The following COL4A2 variants were observed in gnomAD, a reference collection of about 807,000 sequenced individuals.
COL4A2 encodes collagen alpha-2(IV) chain.
A neutral mutation model predicts 200.2 loss-of-function variants in COL4A2; 99 were observed. The ratio of observed to expected loss-of-function variants is 0.49; its 90% CI spans 0.42 to 0.58. The LOEUF is 0.58. Ranked by LOEUF, COL4A2 falls within the 20% of genes least tolerant of loss-of-function variation. COL4A2 has a pLI of 0.00. For synonymous variants in COL4A2, 897 were observed against 900.6 expected (o/e 1.00, Z 0.07); for missense variants, 1,950 against 2,314.1 (o/e 0.84, Z 3.23).
intron 13 of COL4A2, 54 bp downstream of exon 13, chr13:110,436,421 AG>A: frequency 6.3e-7 from 1 of 1,580,892 alleles, no homozygotes; most frequent in Non-Finnish European, 8.6e-7. Flanking sequence ...GGAGAGTAAA[AG>A]TACATTTCTT....
intron 11 of COL4A2, among the ~76,000 whole-genome samples, chr13:110,433,108 A>G (rs1015520479): frequency 5.3e-5 from 8 of 152,364 alleles, no homozygotes; most frequent in Non-Finnish European, 7.3e-5. Flanking sequence ...CCAAGCCCAC[A>G]CGTTGCCATG....
intron 36 of COL4A2, 89 bp from the exon 37 acceptor site, chr13:110,491,144 G>A: frequency 2.4e-6 from 2 of 841,102 alleles, no homozygotes; most frequent in Non-Finnish European, 4.0e-6. Flanking sequence ...GAGCAGCAGT[G>A]TGGTTCTGCA....
chr13:110,511,924 C>A lies in COL4A2; in HGVS notation c.4882-10C>A, dbSNP rs1884094435. On this transcript the variant is annotated splice_polypyrimidine_tract_variant and intron_variant, in intron 47 of 47. Transcript: ENST00000360467. The stretch of plus-strand genomic sequence containing the variant: ...ATTCCTAACCCTGTCCTGCCCCCCT[C>A]TCTGTGCAGCACACGGCGGCGGGAG... 1 of 1,613,334 alleles carries A rather than the reference C, an allele frequency of 6.2e-7. No homozygotes were observed. Among genetic ancestry groups the A allele is most frequent in the East Asian group, 2.2e-5 (1 of 44,894 alleles).
chr13:110,309,770 CT>C (rs531597675), intron 3 of COL4A2, among the ~76,000 whole-genome samples: 265 of 93,050 alleles, frequency 2.8e-3, no homozygotes, highest in African/African-American at 8.5e-3. Flanking sequence ...TGTGGATTGC[CT>C]GAGCTCAGGA....
intron 29 of COL4A2, among the ~76,000 whole-genome samples, chr13:110,475,183 G>T (rs1304442202): frequency 6.6e-6 from 1 of 152,240 alleles, no homozygotes; most frequent in Non-Finnish European, 1.5e-5. Flanking sequence ...CTCGTGCTCG[G>T]CCATCCAGAT....
chr13:110,414,854 C>G (rs1483003882), intron 4 of COL4A2, among the ~76,000 whole-genome samples: 1 of 152,172 alleles, frequency 6.6e-6, no homozygotes, highest in Non-Finnish European at 1.5e-5. Context: ...ATTCTTTTAT[C>G]CAAAATAAAA....
chr13:110,320,113 G>GTC (rs1885238800), intron 3 of COL4A2, among the ~76,000 whole-genome samples: 1 of 152,274 alleles, frequency 6.6e-6, no homozygotes, highest in Non-Finnish European at 1.5e-5. Flanking sequence ...TTGTGAATGT[G>GTC]TCTCTGTCCA....
chr13:110,317,379 C>T (rs1391097337), intron 3 of COL4A2, among the ~76,000 whole-genome samples: 5 of 152,108 alleles, frequency 3.3e-5, no homozygotes, highest in Admixed American at 2.0e-4. Flanking sequence ...CATAAACACA[C>T]ATGCTCATGC....
At chr13:110,337,259 G>A (rs1390793430) in intron 3 of COL4A2, among the ~76,000 whole-genome samples, 1 of 152,232 alleles carries the variant, frequency 6.6e-6, no homozygotes, top group Non-Finnish European at 1.5e-5. Context: ...GCTGATCACA[G>A]CCAAGTTTGG....
intron 19 of COL4A2, among the ~76,000 whole-genome samples, 174 bp from the exon 20 acceptor site, chr13:110,450,131 T>A (rs1209198802): frequency 6.6e-6 from 1 of 152,080 alleles, no homozygotes; most frequent in Non-Finnish European, 1.5e-5. Flanking sequence ...AGGAGAGGGG[T>A]GTTTTTAATG....
chr13:110,403,906 A>G (rs1438726276), intron 4 of COL4A2, among the ~76,000 whole-genome samples: 3 of 152,198 alleles, frequency 2.0e-5, no homozygotes, highest in African/African-American at 7.2e-5. Flanking sequence ...TTGAAGAGCA[A>G]GTGACCAGCA....
At chr13:110,424,104 G>A (rs1164796566) in intron 4 of COL4A2, among the ~76,000 whole-genome samples, 10 of 152,050 alleles carry the variant, frequency 6.6e-5, no homozygotes, top group South Asian at 2.1e-4. Flanking sequence ...TTAAGGAGCC[G>A]CCAGAGTGTT....
At chr13:110,408,838 CACGCACACAT>C (rs1566517095) in intron 4 of COL4A2, among the ~76,000 whole-genome samples, 8 of 76,842 alleles carry the variant, frequency 1.0e-4, no homozygotes, top group Non-Finnish European at 1.9e-4. Context: ...CACACACATA[CACGCACACAT>C]ATACACACAT....
Position 110,446,843 on chromosome 13 carries a change from C to G in COL4A2, c.1057C>G (p.Pro353Ala). The stretch of plus-strand genomic sequence containing the variant: ...GCCCCCTGGACTACCTGCCTACTCC[C>G]CTCACCCTTCCCTAGCAAAAGGTGT... Reference protein sequence around the residue: ...PGPPGLPAYSPHPSLAKGARG... With the variant: ...PGPPGLPAYSAHPSLAKGARG... Residue 353 changes from proline (P) to alanine (A), a missense_variant, in exon 18 of 48, where the codon CCT (proline) becomes GCT (alanine). Transcript: ENST00000360467. 1 of 1,612,372 alleles carries G rather than the reference C, an allele frequency of 6.2e-7. No individual in the cohort carries two copies.
intron 4 of COL4A2, among the ~76,000 whole-genome samples, chr13:110,396,125 CAG>C (rs1458526103): frequency 1.3e-5 from 2 of 152,160 alleles, no homozygotes; most frequent in African/African-American, 4.8e-5. Flanking sequence ...AAAAATTATT[CAG>C]AGTGTACCCA....
chr13:110,492,240 G>A (rs1223896040), intron 38 of COL4A2, 63 bp downstream of exon 38: 18 of 1,404,178 alleles, frequency 1.3e-5, no homozygotes, highest in Admixed American at 4.1e-5. Context: ...AGGAGGCACC[G>A]CTGAGCAGGC....
intron 40 of COL4A2, among the ~76,000 whole-genome samples, chr13:110,500,098 G>C (rs867362236): frequency 6.6e-6 from 1 of 152,194 alleles, no homozygotes; most frequent in Non-Finnish European, 1.5e-5. Context: ...AAGCACGCAT[G>C]AATGGAATCC....
chr13:110,376,833 C>T (rs997520370), intron 4 of COL4A2, among the ~76,000 whole-genome samples: 9 of 152,120 alleles, frequency 5.9e-5, no homozygotes, highest in Non-Finnish European at 1.2e-4. Flanking sequence ...CCGAGTGCAG[C>T]CTCAGGTGTT....
intron 4 of COL4A2, among the ~76,000 whole-genome samples, chr13:110,367,978 C>A (rs1877829637): frequency 1.3e-5 from 2 of 152,176 alleles, no homozygotes; most frequent in South Asian, 4.1e-4. Context: ...AAAATTCAAG[C>A]AAAACTCTGA....
Sources: allele counts gnomAD v4.1 joint callset (sites outside exome capture counted in the v4.1 genomes callset), GRCh38; gene constraint gnomAD v4.1.1; transcripts MANE v1.5; gene names NCBI Gene and HGNC (gene_info 2026-07-23, HGNC 2026-07-21).